Variants in ANKS1B observed in about 807,000 individuals in gnomAD.
The protein encoded by ANKS1B is ankyrin repeat and sterile alpha motif domain containing 1B, also known as ankyrin repeat and sterile alpha motif domain-containing protein 1B.
Under a neutral mutation model 148.3 loss-of-function variants are expected in ANKS1B, and 36 were observed. The observed-to-expected ratio is 0.24, with a 90% CI of 0.19 to 0.32. The LOEUF is 0.32. Among genes scored for constraint, ANKS1B ranks in the 10% least tolerant of loss-of-function variants. The probability of loss-of-function intolerance (pLI) is 1.00; values close to 1 mark genes in which losing one functional copy is unlikely to be tolerated. For missense variants in ANKS1B, 1,157 were observed against 1,542.6 expected (o/e 0.75, Z 4.19); for synonymous variants, 542 against 560.8 (o/e 0.97, Z 0.47).
At chr12:99,776,113 A>C (rs2153627301) in intron 6 of ANKS1B, among the ~76,000 whole-genome samples, 2 of 152,322 alleles carry the variant, frequency 1.3e-5, no homozygotes, top group South Asian at 4.1e-4. Flanking sequence ...GAAATGGAAT[A>C]AGTTCATTTC....
At chr12:99,929,907 A>C (rs772138545) in intron 1 of ANKS1B, among the ~76,000 whole-genome samples, 2 of 151,138 alleles carry the variant, frequency 1.3e-5, no homozygotes, top group East Asian at 2.0e-4. Flanking sequence ...GTAGCCTTGT[A>C]GTATAGTTTG....
chr12:99,910,441 A>C (rs1207961228), intron 1 of ANKS1B, among the ~76,000 whole-genome samples: 1 of 152,124 alleles, frequency 6.6e-6, no homozygotes, highest in African/African-American at 2.4e-5. Flanking sequence ...TAAGTGAAAG[A>C]AGACAGTCAT....
chr12:99,768,761 G>C (rs1041511835), intron 8 of ANKS1B, among the ~76,000 whole-genome samples: 1 of 150,760 alleles, frequency 6.6e-6, no homozygotes, highest in Non-Finnish European at 1.5e-5. Flanking sequence ...CGGAGGCGGA[G>C]GTTGCAGTGA....
At chr12:99,609,249 G>T (rs1443668801) in intron 9 of ANKS1B, among the ~76,000 whole-genome samples, 2 of 151,912 alleles carry the variant, frequency 1.3e-5, no homozygotes, top group Non-Finnish European at 2.9e-5. Flanking sequence ...CCTTTCAAAT[G>T]TCTTATTATC....
At chr12:98,932,981 A>C (rs1443084298) in intron 17 of ANKS1B, among the ~76,000 whole-genome samples, 2 of 152,214 alleles carry the variant, frequency 1.3e-5, no homozygotes, top group Admixed American at 1.3e-4. Context: ...TATTGTGTTA[A>C]TAGCACTTAA....
intron 4 of ANKS1B, among the ~76,000 whole-genome samples, chr12:99,802,602 C>G (rs2067084893): frequency 6.6e-6 from 1 of 152,024 alleles, no homozygotes; most frequent in African/African-American, 2.4e-5. Context: ...CAAATATTAA[C>G]ATCAATGCTG....
intron 15 of ANKS1B, among the ~76,000 whole-genome samples, chr12:99,132,058 C>T (rs1439623558): frequency 6.6e-6 from 1 of 152,158 alleles, no homozygotes; most frequent in Non-Finnish European, 1.5e-5. Flanking sequence ...GCAGTGACTG[C>T]CTCCAAGACT....
intron 8 of ANKS1B, among the ~76,000 whole-genome samples, chr12:99,754,387 G>C (rs1414497840): frequency 6.6e-6 from 1 of 152,138 alleles, no homozygotes; most frequent in African/African-American, 2.4e-5. Flanking sequence ...AAAAGACTTA[G>C]ACTTCCAGAG....
chr12:99,314,698 G>A (rs1602741457), intron 12 of ANKS1B, among the ~76,000 whole-genome samples: 1 of 152,152 alleles, frequency 6.6e-6, no homozygotes. Context: ...ATGGTGGTGG[G>A]AAAACTGGCT....
intron 14 of ANKS1B, among the ~76,000 whole-genome samples, chr12:99,188,733 G>T (rs2080230482): frequency 6.6e-6 from 1 of 152,090 alleles, no homozygotes; most frequent in Non-Finnish European, 1.5e-5. Flanking sequence ...AATGCCCACA[G>T]CAGAAAACGG....
intron 17 of ANKS1B, among the ~76,000 whole-genome samples, chr12:98,886,752 G>C (rs1400340594): frequency 6.6e-6 from 1 of 152,092 alleles, no homozygotes; most frequent in East Asian, 1.9e-4. Flanking sequence ...AGACTATACA[G>C]AGATATTCAA....
chr12:99,564,335 T>G (rs1246603938), intron 9 of ANKS1B, among the ~76,000 whole-genome samples: 1 of 152,002 alleles, frequency 6.6e-6, no homozygotes, highest in Non-Finnish European at 1.5e-5. Context: ...GAGAATTGTA[T>G]AGACGCATAC....
At chr12:99,443,627 A>G in intron 11 of ANKS1B, 46 bp downstream of exon 11, 1 of 1,602,064 alleles carries the variant, frequency 6.2e-7, no homozygotes, top group Non-Finnish European at 8.5e-7. Context: ...CATTGATTCA[A>G]ATCAAAACAC....
At chr12:99,451,787 G>A (rs1335663818) in intron 10 of ANKS1B, among the ~76,000 whole-genome samples, 2 of 66,526 alleles carry the variant, frequency 3.0e-5, no homozygotes, top group Admixed American at 3.0e-4. Flanking sequence ...GTACAGATAC[G>A]TGTGTGTGTG....
chr12:99,361,147 A>T (rs967651163), intron 12 of ANKS1B, among the ~76,000 whole-genome samples: 1 of 152,180 alleles, frequency 6.6e-6, no homozygotes, highest in Non-Finnish European at 1.5e-5. Context: ...TACACAAAGA[A>T]TAAATGCTTG....
At chr12:99,815,180 CT>C (rs1433392421) in intron 2 of ANKS1B, among the ~76,000 whole-genome samples, 1 of 151,680 alleles carries the variant, frequency 6.6e-6, no homozygotes, top group South Asian at 2.1e-4. Flanking sequence ...TTCATTTGTT[CT>C]TTGGCTCAAA....
chr12:98,853,339 G>C (rs960821820), intron 17 of ANKS1B, among the ~76,000 whole-genome samples: 2 of 152,290 alleles, frequency 1.3e-5, no homozygotes, highest in Admixed American at 6.5e-5. Flanking sequence ...GCCCCTAACT[G>C]GGGAGCAGGA....
At chr12:99,678,249 ATCG>A (rs370141731) in intron 8 of ANKS1B, among the ~76,000 whole-genome samples, 23 of 152,306 alleles carry the variant, frequency 1.5e-4, no homozygotes, top group East Asian at 1.2e-3. Flanking sequence ...AATGATACAA[ATCG>A]TTTTCATGAT....
At chr12:99,289,233 T>C (rs1470334638) in intron 12 of ANKS1B, among the ~76,000 whole-genome samples, 4 of 152,066 alleles carry the variant, frequency 2.6e-5, no homozygotes, top group African/African-American at 7.2e-5. Context: ...ATTGTAAATA[T>C]ATATGCTCCC....
Sources: allele counts gnomAD v4.1 joint callset (sites outside exome capture counted in the v4.1 genomes callset), GRCh38; gene constraint gnomAD v4.1.1; transcripts MANE v1.5; gene names NCBI Gene and HGNC (gene_info 2026-07-23, HGNC 2026-07-21).